Variants in RCAN2 observed in about 807,000 individuals in gnomAD.
The protein encoded by RCAN2 is regulator of calcineurin 2, also known as calcipressin-2.
Under a neutral mutation model 23.6 loss-of-function variants are expected in RCAN2, and 9 were observed. The ratio of observed to expected loss-of-function variants is 0.38; its 90% CI spans 0.23 to 0.67. The LOEUF is 0.67. RCAN2 is among the 30% of genes least tolerant of loss of function. The pLI is 0.51. For synonymous variants in RCAN2, 109 were observed against 115.7 expected (o/e 0.94, Z 0.37); for missense variants, 273 against 302.3 (o/e 0.90, Z 0.72).
chr6:46,248,821 G>A lies in RCAN2; in HGVS notation c.301C>T (p.Arg101Cys), dbSNP rs1376693955. ...GATTTAGGATTGCTGAAGTTTATAC[G>A]GACACGTCTGAAACTCTTAAATAGC... The part of the protein sequence containing the change: ...FQLFKSFRRV[R>C]INFSNPKSAA... Residue 101 changes from arginine (R) to cysteine (C), a missense_variant, in exon 3 of 5, where the codon CGT (arginine) becomes TGT (cysteine). Physicochemically the swap from Arg to Cys is radical, Grantham distance 180 (BLOSUM62 -3). Coordinates refer to ENST00000371374, the MANE Select transcript of RCAN2 (RefSeq NM_001251974.2). 2.5e-6 allele frequency: 4 copies of A among 1,612,754 alleles called. No individual in the cohort carries two copies. The highest frequency in any genetic ancestry group is 3.4e-6 in the Non-Finnish European group (4 of 1,179,506).
chr6:46,384,834 C>T (rs758167398), intron 2 of RCAN2, among the ~76,000 whole-genome samples: 4 of 152,062 alleles, frequency 2.6e-5, no homozygotes, highest in Admixed American at 1.3e-4. Context: ...TTCTCTATGG[C>T]GAAAGGAGTG....
At chr6:46,491,753 A>T (rs1436754183), upstream of RCAN2, 3 of 152,232 alleles carry the variant, frequency 2.0e-5, no homozygotes, top group Non-Finnish European at 4.4e-5. Flanking sequence ...CCTCAGCGGG[A>T]AGAGGCTCCT....
upstream of RCAN2, chr6:46,491,947 G>T (rs1247532043): frequency 1.3e-5 from 2 of 152,340 alleles, no homozygotes; most frequent in Admixed American, 6.5e-5. Context: ...GGGCTTCTGC[G>T]CTTGGTGGGC....
chr6:46,265,924 C>A (rs1455383081), intron 2 of RCAN2, among the ~76,000 whole-genome samples: 1 of 152,152 alleles, frequency 6.6e-6, no homozygotes, highest in African/African-American at 2.4e-5. Flanking sequence ...ATTCTTGCAG[C>A]TAGTAGAAAT....
At chr6:46,243,809 CAAAA>C (rs376524527) in intron 4 of RCAN2, among the ~76,000 whole-genome samples, 7 of 55,030 alleles carry the variant, frequency 1.3e-4, no homozygotes, top group Non-Finnish European at 2.1e-4. Flanking sequence ...GATTCTGTCT[CAAAA>C]AAAAAAAAAA....
intron 2 of RCAN2, among the ~76,000 whole-genome samples, chr6:46,453,596 A>G (rs1527704): frequency 0.5 from 75,927 of 152,038 alleles, 19,424 homozygotes; most frequent in East Asian, 0.61. Context: ...GAACAAAGTG[A>G]TACAGAAATA....
chr6:46,415,230 G>A (rs73454929), intron 2 of RCAN2, among the ~76,000 whole-genome samples: 4,855 of 152,214 alleles, frequency 0.032, 241 homozygotes, highest in African/African-American at 0.11. Context: ...TGATGACGGC[G>A]GAACCAGGGC....
chr6:46,266,024 C>A (rs942729190), intron 2 of RCAN2, among the ~76,000 whole-genome samples: 3 of 152,136 alleles, frequency 2.0e-5, no homozygotes, highest in African/African-American at 7.2e-5. Flanking sequence ...GATAACAGAT[C>A]AGCGGTGGCA....
intron 2 of RCAN2, among the ~76,000 whole-genome samples, chr6:46,405,557 C>T (rs1301267778): frequency 6.6e-6 from 1 of 152,166 alleles, no homozygotes; most frequent in Non-Finnish European, 1.5e-5. Flanking sequence ...TCCAAGGCCC[C>T]ACCAGAGCAG....
chr6:46,454,045 C>T (rs1228379337), intron 2 of RCAN2, among the ~76,000 whole-genome samples: 2 of 152,176 alleles, frequency 1.3e-5, no homozygotes, highest in Admixed American at 6.5e-5. Flanking sequence ...CCAGCCTTGC[C>T]CATAGGCCAA....
At chr6:46,306,935 A>C (rs1442823387) in intron 2 of RCAN2, among the ~76,000 whole-genome samples, 2 of 152,172 alleles carry the variant, frequency 1.3e-5, no homozygotes, top group Non-Finnish European at 2.9e-5. Flanking sequence ...TATTCCAAGA[A>C]AAGCATTTTT....
At chr6:46,358,196 C>A (rs976554820) in intron 2 of RCAN2, among the ~76,000 whole-genome samples, 1 of 152,148 alleles carries the variant, frequency 6.6e-6, no homozygotes, top group Non-Finnish European at 1.5e-5. Flanking sequence ...CAGAATTAGA[C>A]CCTGCTGCAG....
At chr6:46,306,938 G>C (rs1397121509) in intron 2 of RCAN2, among the ~76,000 whole-genome samples, 1 of 151,996 alleles carries the variant, frequency 6.6e-6, no homozygotes, top group Non-Finnish European at 1.5e-5. Flanking sequence ...TCCAAGAAAA[G>C]CATTTTTGAC....
At chr6:46,306,347 T>G (rs1763066283) in intron 2 of RCAN2, among the ~76,000 whole-genome samples, 2 of 152,152 alleles carry the variant, frequency 1.3e-5, no homozygotes, top group African/African-American at 4.8e-5. Flanking sequence ...CCACCAGCAC[T>G]TCTAGACCAA....
chr6:46,387,993 T>C (rs1045852535), intron 2 of RCAN2, among the ~76,000 whole-genome samples: 5 of 151,722 alleles, frequency 3.3e-5, no homozygotes, highest in African/African-American at 9.7e-5. Context: ...CTCAGCAAAC[T>C]ATCACAAGAA....
intron 2 of RCAN2, among the ~76,000 whole-genome samples, chr6:46,450,934 A>C (rs1767862548): frequency 6.6e-6 from 1 of 152,110 alleles, no homozygotes; most frequent in Non-Finnish European, 1.5e-5. Flanking sequence ...TCCCCACGAA[A>C]AAGTAATAAG....
intron 2 of RCAN2, among the ~76,000 whole-genome samples, chr6:46,394,385 T>C (rs1766026988): frequency 6.6e-6 from 1 of 152,222 alleles, no homozygotes; most frequent in Admixed American, 6.5e-5. Flanking sequence ...CATTACTGCC[T>C]ATGTTAGTTT....
chr6:46,389,035 C>T (rs1765853437), intron 2 of RCAN2, among the ~76,000 whole-genome samples: 1 of 152,080 alleles, frequency 6.6e-6, no homozygotes, highest in Non-Finnish European at 1.5e-5. Context: ...TTCTATATAT[C>T]ATGAGGTAGA....
chr6:46,478,653 G>A (rs964756708), intron 1 of RCAN2, among the ~76,000 whole-genome samples: 2 of 152,004 alleles, frequency 1.3e-5, no homozygotes, highest in South Asian at 2.1e-4. Context: ...CTGGAAATTC[G>A]TCATAAGCAA....
Sources: allele counts gnomAD v4.1 joint callset (sites outside exome capture counted in the v4.1 genomes callset), GRCh38; gene constraint gnomAD v4.1.1; transcripts MANE v1.5; gene names NCBI Gene and HGNC (gene_info 2026-07-23, HGNC 2026-07-21).